NCALD: variants seen among roughly 807,000 people sequenced by gnomAD.
NCALD encodes the protein neurocalcin-delta.
In NCALD, 10 loss-of-function variants were observed where a neutral mutation model predicts 18.6. That is an observed-to-expected ratio of 0.54 (90% confidence interval 0.33 to 0.91). The LOEUF (loss-of-function observed/expected upper bound fraction) is 0.91. NCALD is among the 40% of genes least tolerant of loss of function. The pLI is 0.03. For synonymous variants in NCALD, 88 were observed against 87.4 expected (o/e 1.01, Z -0.04); for missense variants, 184 against 247.6 (o/e 0.74, Z 1.72).
At chr8:101,985,868 C>A (rs1820787953) in intron 2 of NCALD, among the ~76,000 whole-genome samples, 1 of 152,136 alleles carries the variant, frequency 6.6e-6, no homozygotes, top group African/African-American at 2.4e-5. Flanking sequence ...AGGGTTGGAA[C>A]TTGGAAGCCT....
rs1816053706 is a variant in NCALD at position 101,872,321 on chromosome 8, G to T, written c.-20+14820C>A. 3.5e-6 allele frequency: 5 copies of T among 1,419,704 alleles called. No homozygotes were observed. In the Admixed American group the frequency reaches 6.7e-5, roughly 19 times the overall value. The allele number at this position is 1,419,704 out of a possible 1,614,324, so 87.9% of individuals were successfully genotyped here. On this transcript the variant is annotated intron_variant, in intron 4 of 6. Coordinates refer to the NCALD transcript ENST00000311028. The stretch of plus-strand genomic sequence containing the variant: ...ATTGCTTTCCCCTCAGCGAGTCTCT[G>T]CCATCTGTACATTTCAATAGCATGT...
At chr8:101,883,119 T>G (rs1350741444) in intron 4 of NCALD, among the ~76,000 whole-genome samples, 3 of 152,148 alleles carry the variant, frequency 2.0e-5, no homozygotes, top group East Asian at 3.8e-4. Flanking sequence ...CGTCTATAAC[T>G]CCAACACTTA....
At position 101,938,655 on chromosome 8, in the gene NCALD, TAA is replaced by T. The variant is rs11285546; in HGVS notation, c.-156-22799_-156-22798del. 3.1e-3 allele frequency among the ~76,000 whole-genome samples: 462 copies of T among 150,112 alleles called. 1 individual carries two copies. Among genetic ancestry groups the T allele is most frequent in the African/African-American group, 8.4e-3 (344 of 41,026 alleles). Reference sequence around the variant, plus strand: ...AATGCAACAAACAAAGAAATAATGGTAAAAAAAAAAACTTGTAAGTGGCAATA... The same window carrying T: ...AATGCAACAAACAAAGAAATAATGGTAAAAAAAAACTTGTAAGTGGCAATA... On this transcript the variant is annotated intron_variant, in intron 2 of 6. Coordinates refer to the NCALD transcript ENST00000311028.
At chr8:102,050,838 CATTTTTAATTTAATTAATTAATTTAATTA>C (rs1823426724) in intron 1 of NCALD, among the ~76,000 whole-genome samples, 1 of 138,468 alleles carries the variant, frequency 7.2e-6, no homozygotes. Flanking sequence ...TTAATTTAAT[CATTTTTAATTTAATTAATTAATTTAATTA>C]ATTTTTAATT....
intron 4 of NCALD, among the ~76,000 whole-genome samples, chr8:101,830,740 C>CA (rs1215558201): frequency 7.6e-6 from 1 of 132,062 alleles, no homozygotes; most frequent in East Asian, 2.2e-4. Context: ...GAGAGGAATA[C>CA]TTTTTTTTTT....
intron 4 of NCALD, among the ~76,000 whole-genome samples, chr8:101,802,178 T>TA (rs1031878665): frequency 3.3e-5 from 5 of 152,182 alleles, no homozygotes; most frequent in Non-Finnish European, 7.3e-5. Flanking sequence ...CAGTAATCAG[T>TA]AATCAGTAAT....
intron 1 of NCALD, among the ~76,000 whole-genome samples, chr8:101,739,280 C>A (rs1358594673): frequency 6.6e-6 from 1 of 152,040 alleles, no homozygotes; most frequent in East Asian, 1.9e-4. Context: ...CTCTTACCCC[C>A]CCAGTTAAAA....
At chr8:101,996,281 C>T (rs1031783797) in intron 2 of NCALD, among the ~76,000 whole-genome samples, 23 of 152,316 alleles carry the variant, frequency 1.5e-4, no homozygotes, top group Non-Finnish European at 1.8e-4. Context: ...AGGCTGTATG[C>T]CTTAATGAGC....
chr8:101,688,765 C>A lies in NCALD; in HGVS notation c.*544G>T. 1 of 569,638 alleles carries A rather than the reference C, an allele frequency of 1.8e-6. No homozygotes were observed. The highest frequency in any genetic ancestry group is 3.3e-6 in the Non-Finnish European group (1 of 301,422). The allele number at this position is 569,638 out of a possible 1,614,324, so 35.3% of individuals were successfully genotyped here. ...AATGTTCACAGCTTAGAAACTACAG[C>A]CTGCTGGGGAAGAGAGGGGAGTGGG... On this transcript the variant is annotated 3_prime_UTR_variant, in exon 4 of 4. Coordinates refer to ENST00000220931, the MANE Select transcript of NCALD (RefSeq NM_032041.3).
intron 2 of NCALD, among the ~76,000 whole-genome samples, chr8:101,977,880 A>C (rs571051210): frequency 6.6e-6 from 1 of 152,272 alleles, no homozygotes; most frequent in African/African-American, 2.4e-5. Context: ...AGGCCCTGAT[A>C]CTTAAGATGG....
chr8:101,952,897 C>T (rs1344852443), intron 2 of NCALD, among the ~76,000 whole-genome samples: 1 of 151,930 alleles, frequency 6.6e-6, no homozygotes, highest in Non-Finnish European at 1.5e-5. Context: ...ACAGAGCTGG[C>T]TGTCAGAGGC....
At chr8:102,057,383 T>G (rs1046997793) in intron 1 of NCALD, among the ~76,000 whole-genome samples, 1 of 152,160 alleles carries the variant, frequency 6.6e-6, no homozygotes. Context: ...AGAGTGCTAT[T>G]TATAGACTTC....
chr8:101,833,610 G>GTTTTTTT lies in NCALD; in HGVS notation c.-20+53524_-20+53530dup, dbSNP rs555031298. ...ATGAAATTACTGTTTTTTGTTTCTT[G>GTTTTTTT]TTTTTTTTTTTTTTTTTTTTTTTGG... On this transcript the variant is annotated intron_variant, in intron 4 of 6. Transcript: ENST00000311028. 1.9e-3 allele frequency among the ~76,000 whole-genome samples: 169 copies of GTTTTTTT among 88,236 alleles called. 1 individual carries two copies. The highest frequency in any genetic ancestry group is 3.0e-3 in the East Asian group (9 of 2,972). The allele number at this position is 88,236 out of a possible 152,430, so 57.9% of individuals were successfully genotyped here.
At chr8:102,000,559 C>G (rs1341486221) in intron 2 of NCALD, among the ~76,000 whole-genome samples, 2 of 152,194 alleles carry the variant, frequency 1.3e-5, no homozygotes, top group African/African-American at 2.4e-5. Context: ...AGCTTGAGAT[C>G]TGAGAATGGA....
rs1211074605 is a variant in NCALD, at chr8:101,719,712, T to C, written c.-19-64A>G. ...TGCTCTTTAGGGCTGCATTTTATAA[T>C]TTGTAATTGTTCCTTTGGGAAGAAG... On this transcript the variant is annotated intron_variant, in intron 1 of 3. Coordinates refer to ENST00000220931, the MANE Select transcript of NCALD (RefSeq NM_032041.3). 2.9e-6 allele frequency: 4 copies of C among 1,395,246 alleles called. No individual in the cohort carries two copies. The East Asian group carries it at 7.0e-5, about 24-fold the overall frequency. 86.4% of individuals were successfully genotyped at this position (1,395,246 alleles called of 1,614,324 possible).
chr8:101,968,833 C>A (rs931355179), intron 2 of NCALD, among the ~76,000 whole-genome samples: 2 of 152,174 alleles, frequency 1.3e-5, no homozygotes, highest in Admixed American at 6.6e-5. Context: ...CCCAGCAAAG[C>A]CCCACAATGC....
intron 1 of NCALD, among the ~76,000 whole-genome samples, chr8:101,736,631 G>A (rs1809927603): frequency 6.6e-6 from 1 of 152,166 alleles, no homozygotes; most frequent in Admixed American, 6.5e-5. Context: ...CCCGTGGTGA[G>A]TGGAAATGGT....
chr8:101,931,306 C>G (rs1317550950), intron 2 of NCALD, among the ~76,000 whole-genome samples: 1 of 152,134 alleles, frequency 6.6e-6, no homozygotes, highest in Non-Finnish European at 1.5e-5. Flanking sequence ...AGCAAGAAAC[C>G]AAGGCTCCTC....
At chr8:101,876,008 C>T (rs1816212434) in intron 4 of NCALD, among the ~76,000 whole-genome samples, 1 of 152,240 alleles carries the variant, frequency 6.6e-6, no homozygotes, top group African/African-American at 2.4e-5. Flanking sequence ...CTTTTAGAGA[C>T]AGTCTTTCTA....
Sources: allele counts gnomAD v4.1 joint callset (sites outside exome capture counted in the v4.1 genomes callset), GRCh38; gene constraint gnomAD v4.1.1; transcripts MANE v1.5; gene names NCBI Gene and HGNC (gene_info 2026-07-23, HGNC 2026-07-21).